The following CHEK1 variants were observed in gnomAD, a reference collection of about 807,000 sequenced individuals.
CHEK1 encodes the protein checkpoint kinase 1, also known as serine/threonine-protein kinase Chk1.
In CHEK1, 32 loss-of-function variants were observed where a neutral mutation model predicts 60.2. The observed-to-expected ratio is 0.53, with a 90% CI of 0.40 to 0.71. The LOEUF (loss-of-function observed/expected upper bound fraction) is 0.71, where lower values mean the gene tolerates loss of function less well. Ranked by LOEUF, CHEK1 falls within the 30% of genes least tolerant of loss-of-function variation. The probability of loss-of-function intolerance (pLI) is 0.00; values close to 1 mark genes in which losing one functional copy is unlikely to be tolerated. For synonymous variants in CHEK1, 179 were observed against 187.2 expected (o/e 0.96, Z 0.36); for missense variants, 399 against 564.6 (o/e 0.71, Z 2.97).
At chr11:125,640,091 T>C (rs1941225118) in intron 8 of CHEK1, among the ~76,000 whole-genome samples, 1 of 152,230 alleles carries the variant, frequency 6.6e-6, no homozygotes, top group African/African-American at 2.4e-5. Context: ...TTCTCATCTC[T>C]AACACCTCAA....
downstream of CHEK1, chr11:125,676,375 T>A (rs144943535): frequency 6.2e-7 from 1 of 1,614,202 alleles, no homozygotes; most frequent in Non-Finnish European, 8.5e-7. Flanking sequence ...AGATCTTCTT[T>A]AACATGCACT....
chr11:125,643,572 T>C, intron 8 of CHEK1: 3 of 506,916 alleles, frequency 5.9e-6, no homozygotes, highest in South Asian at 2.6e-5. Context: ...TTAGGTATTG[T>C]AAAATACCTA....
chr11:125,653,741 CT>C lies in CHEK1; in HGVS notation c.1234-3del. 6.7e-7 allele frequency: 1 copy of C among 1,503,338 alleles called. No individual in the cohort carries two copies. Among genetic ancestry groups the C allele is most frequent in the East Asian group, 2.3e-5 (1 of 43,630 alleles). The allele number at this position is 1,503,338 out of a possible 1,614,324, so 93.1% of individuals were successfully genotyped here. ...TGTGGCTTAACCTTATTTTTGTTGC[CT>C]TAGGTTACTATATCAACAACTGATA... On this transcript the variant is annotated splice_polypyrimidine_tract_variant and splice_region_variant and intron_variant, in intron 11 of 12. Coordinates refer to ENST00000438015, the MANE Select transcript of CHEK1 (RefSeq NM_001114122.3). The surrounding 1 kb of genome is among the most constrained non-coding windows in gnomAD (Gnocchi z 4.3).
At chr11:125,647,509 T>C (rs1305781926) in intron 11 of CHEK1, among the ~76,000 whole-genome samples, 1 of 152,070 alleles carries the variant, frequency 6.6e-6, no homozygotes, top group Admixed American at 6.6e-5. Context: ...TTTTGGTTAT[T>C]TGTGGCCCCT....
intron 9 of CHEK1, 51 bp downstream of exon 9, chr11:125,643,951 G>GAATAAT (rs777966610): frequency 2.9e-5 from 45 of 1,547,206 alleles, no homozygotes; most frequent in Non-Finnish European, 3.8e-5. Flanking sequence ...TCCCCATGAA[G>GAATAAT]AATAATACAT....
chr11:125,650,403 C>T lies in CHEK1; in HGVS notation c.1234-3343C>T, dbSNP rs187517201. Among the ~76,000 whole-genome samples the T allele has an allele frequency of 2.8e-3, 416 of 149,790 alleles. 1 individual carries two copies. Among genetic ancestry groups the T allele is most frequent in the Non-Finnish European group, 1.9e-3 (129 of 67,606 alleles). On this transcript the variant is annotated intron_variant, in intron 11 of 12. Transcript: ENST00000438015. The stretch of plus-strand genomic sequence containing the variant: ...ACTCTAGAAAGTCAGATTTTCCCCT[C>T]TTGCCAGTGTTTGTTACCGCTTGAT...
downstream of CHEK1, among the ~76,000 whole-genome samples, chr11:125,658,084 T>C (rs1397282888): frequency 6.6e-6 from 1 of 152,178 alleles, no homozygotes; most frequent in Non-Finnish European, 1.5e-5. Flanking sequence ...TTTTTTTTCC[T>C]TTGAGACAGG....
chr11:125,678,695 T>G (rs964032426), downstream of CHEK1, among the ~76,000 whole-genome samples: 4 of 151,836 alleles, frequency 2.6e-5, no homozygotes, highest in Middle Eastern at 3.2e-3. Context: ...CTCCCATTCC[T>G]CTATGGGTGA....
At position 125,627,736 on chromosome 11, in the gene CHEK1, A is replaced by T. The variant is rs554220572; in HGVS notation, c.195A>T (p.Glu65Asp). ...EICINKMLNH[E>D]NVVKFYGHRR... ...GTATCAATAAAATGCTAAATCATGA[A>T]AATGTAGTAAAATTCTATGGTCACA... The change falls in exon 3 of 13, where the codon GAA becomes GAT. Residue 65 changes from glutamate to aspartate, a missense_variant. Coordinates refer to ENST00000438015, the MANE Select transcript of CHEK1 (RefSeq NM_001114122.3). The T allele has an allele frequency of 6.2e-7, 1 of 1,613,662 alleles. No homozygotes were observed. Among genetic ancestry groups the T allele is most frequent in the South Asian group, 1.1e-5 (1 of 91,062 alleles).
chr11:125,668,302 T>G (rs1322817747), intron 13 of CHEK1, among the ~76,000 whole-genome samples: 1 of 152,224 alleles, frequency 6.6e-6, no homozygotes, highest in East Asian at 1.9e-4. Context: ...ACCTTGATAC[T>G]TTAGAAAAAT....
intron 11 of CHEK1, among the ~76,000 whole-genome samples, chr11:125,652,147 T>G (rs541770372): frequency 2.0e-5 from 3 of 152,312 alleles, no homozygotes; most frequent in African/African-American, 7.2e-5. Flanking sequence ...TTGGGCTGTG[T>G]TTTTTGGGCA....
At chr11:125,626,923 G>A in intron 2 of CHEK1, 90 bp downstream of exon 2, 1 of 1,404,686 alleles carries the variant, frequency 7.1e-7, no homozygotes, top group Non-Finnish European at 1.0e-6. Flanking sequence ...GTAGATGTTT[G>A]AGATCCAAGG....
At chr11:125,662,906 C>G (rs144281949) in intron 13 of CHEK1, among the ~76,000 whole-genome samples, 135 of 152,160 alleles carry the variant, frequency 8.9e-4, no homozygotes, top group Middle Eastern at 3.4e-3. Flanking sequence ...TTTGTTTTAG[C>G]CATTCTGATA....
downstream of CHEK1, among the ~76,000 whole-genome samples, chr11:125,660,433 C>G (rs982034273): frequency 9.9e-5 from 15 of 152,000 alleles, no homozygotes; most frequent in Non-Finnish European, 4.4e-5. Flanking sequence ...ATTATATTGC[C>G]TAGGCTACAC....
Position 125,626,025 on chromosome 11 carries a change from G to T in CHEK1, c.-21+13G>T. ...AAAGGACAGTCCGGTGAGGAAGGGC[G>T]GCCGGTAGAGTAGGGAAGGTTTCTA... On this transcript the variant is annotated intron_variant, in intron 1 of 12. Transcript: ENST00000438015. 1 of 696,256 alleles carries T rather than the reference G, an allele frequency of 1.4e-6. No individual in the cohort carries two copies. Among genetic ancestry groups the T allele is most frequent in the Non-Finnish European group, 2.6e-6 (1 of 379,670 alleles). The allele number at this position is 696,256 out of a possible 1,614,324, so 43.1% of individuals were successfully genotyped here.
At chr11:125,641,790 C>CTT (rs34950755) in intron 8 of CHEK1, among the ~76,000 whole-genome samples, 117 of 147,140 alleles carry the variant, frequency 8.0e-4, no homozygotes, top group South Asian at 6.9e-3. Context: ...ATCTGATTAC[C>CTT]TTTTTTTTTT....
chr11:125,672,497 G>C, intron 13 of CHEK1: 1 of 1,460,376 alleles, frequency 6.8e-7, no homozygotes, highest in South Asian at 1.3e-5. Flanking sequence ...GATGTGGTCA[G>C]TTGTTGACTG....
intron 11 of CHEK1, among the ~76,000 whole-genome samples, chr11:125,648,611 T>C (rs1285644781): frequency 1.3e-5 from 2 of 150,338 alleles, no homozygotes; most frequent in African/African-American, 4.9e-5. Context: ...TGTTTATCAA[T>C]AGAGATACAG....
At chr11:125,665,871 T>TC (rs1942089294) in intron 13 of CHEK1, among the ~76,000 whole-genome samples, 1 of 54,742 alleles carries the variant, frequency 1.8e-5, no homozygotes, top group South Asian at 6.8e-4. Context: ...TCATTCCCCT[T>TC]TTTTTTTTTT....
Sources: gnomAD v4.1 joint callset for allele counts (sites outside exome capture counted in the v4.1 genomes callset) on GRCh38, gnomAD v4.1.1 for gene constraint, Gnocchi (gnomAD v3.1) non-coding constraint, MANE v1.5 for transcripts, NCBI Gene and HGNC (gene_info 2026-07-23, HGNC 2026-07-21) for gene names.